CACNG4: variants seen among roughly 807,000 people sequenced by gnomAD.
CACNG4 encodes the protein calcium voltage-gated channel auxiliary subunit gamma 4, also known as voltage-dependent calcium channel gamma-4 subunit.
Under a neutral mutation model 22.9 loss-of-function variants are expected in CACNG4, and 8 were observed. The observed-to-expected ratio is 0.35, with a 90% CI of 0.21 to 0.63. The LOEUF (loss-of-function observed/expected upper bound fraction) is 0.63. Among genes scored for constraint, CACNG4 ranks in the 30% least tolerant of loss-of-function variants. The pLI, the probability that CACNG4 is intolerant of heterozygous loss-of-function variation, is 0.72. For missense variants in CACNG4, 357 were observed against 455.4 expected (o/e 0.78, Z 1.97); for synonymous variants, 188 against 191.9 (o/e 0.98, Z 0.17).
Position 66,993,567 on chromosome 17 carries a change from AC to A in CACNG4, c.221-24619del, listed in dbSNP as rs201654573. ...TGTTCTTGCACACACAAGGGGGCTC[AC>A]CCAGGGACAAAAGTGCTTAAAAAGT... On this transcript the variant is annotated intron_variant, in intron 1 of 3. Transcript: ENST00000262138. 3.9e-3 allele frequency among the ~76,000 whole-genome samples: 590 copies of A among 152,300 alleles called. 10 individuals are homozygous for A. Among genetic ancestry groups the A allele is most frequent in the Admixed American group, 0.021 (314 of 15,302 alleles).
chr17:66,999,701 G>C (rs977475572), intron 1 of CACNG4, among the ~76,000 whole-genome samples: 1 of 152,046 alleles, frequency 6.6e-6, no homozygotes, highest in African/African-American at 2.4e-5. Flanking sequence ...CAACACATGG[G>C]GATTACAGGT....
intron 1 of CACNG4, among the ~76,000 whole-genome samples, chr17:67,014,808 G>A (rs532853280): frequency 5.3e-5 from 8 of 152,112 alleles, no homozygotes; most frequent in East Asian, 1.9e-4. Context: ...GTGGTGGTGC[G>A]TGCCTGTAGT....
At chr17:66,982,814 C>T (rs1271110021) in intron 1 of CACNG4, among the ~76,000 whole-genome samples, 1 of 152,196 alleles carries the variant, frequency 6.6e-6, no homozygotes, top group African/African-American at 2.4e-5. Context: ...CTTCAGCCTC[C>T]CAAGTAGCTG....
At chr17:66,967,428 A>G (rs1025403331) in intron 1 of CACNG4, among the ~76,000 whole-genome samples, 7 of 152,170 alleles carry the variant, frequency 4.6e-5, no homozygotes, top group Admixed American at 4.6e-4. Flanking sequence ...GGGAACTGAC[A>G]GCTTTTCTCA....
chr17:66,987,897 C>G (rs1326252220), intron 1 of CACNG4, among the ~76,000 whole-genome samples: 1 of 152,004 alleles, frequency 6.6e-6, no homozygotes, highest in Non-Finnish European at 1.5e-5. Context: ...CTGTTGGTCT[C>G]TGTGTGCCGG....
intron 1 of CACNG4, among the ~76,000 whole-genome samples, chr17:66,999,658 A>T (rs1033799211): frequency 1.3e-5 from 2 of 152,134 alleles, no homozygotes; most frequent in East Asian, 1.9e-4. Flanking sequence ...CACGGGGGGA[A>T]ACTGCCCCCA....
intron 1 of CACNG4, among the ~76,000 whole-genome samples, chr17:66,975,586 T>G (rs2035231257): frequency 6.6e-6 from 1 of 152,172 alleles, no homozygotes; most frequent in Non-Finnish European, 1.5e-5. Flanking sequence ...ATTCAAAACA[T>G]ATCATCGCTT....
At chr17:67,020,433 C>T (rs146144336) in intron 2 of CACNG4, among the ~76,000 whole-genome samples, 76 of 152,324 alleles carry the variant, frequency 5.0e-4, no homozygotes, top group African/African-American at 1.6e-3. Context: ...CTTAAGCGTA[C>T]GCTGTGGGGA....
At chr17:66,974,866 C>T (rs1039495979) in intron 1 of CACNG4, among the ~76,000 whole-genome samples, 8 of 152,148 alleles carry the variant, frequency 5.3e-5, no homozygotes, top group Non-Finnish European at 1.0e-4. Flanking sequence ...CATTAGTCCA[C>T]GTGGAAGCCG....
chr17:67,006,530 G>A (rs1343306818), intron 1 of CACNG4, among the ~76,000 whole-genome samples: 3 of 152,008 alleles, frequency 2.0e-5, no homozygotes, highest in Non-Finnish European at 4.4e-5. Flanking sequence ...GTCTCGCCTG[G>A]GCCGCCATAT....
rs965111446 is a variant in CACNG4 at position 67,033,134 on chromosome 17, C to T, written c.*2130C>T. ...ACCACCTCAGACACCCGGGCCTTCT[C>T]AGCCTTCTCCCCGCGGCCAGCTGGG... is the stretch of plus-strand genomic sequence containing the variant. On this transcript the variant is annotated 3_prime_UTR_variant, in exon 4 of 4. Transcript: ENST00000262138. 6 of 152,700 alleles carry T rather than the reference C, an allele frequency of 3.9e-5. No individual in the cohort carries two copies. Among genetic ancestry groups the T allele is most frequent in the African/African-American group, 1.4e-4 (6 of 41,426 alleles). 9.5% of individuals were successfully genotyped at this position (152,700 alleles called of 1,614,324 possible). A position where few individuals can be genotyped will look rare whatever the true frequency, so the allele number is the denominator to read the frequency against.
In CACNG4 at chr17:66,965,160, C is replaced by CCACACA. The variant is rs55909537; in HGVS notation, c.220+50_220+55dup. On this transcript the variant is annotated intron_variant, in intron 1 of 3. Transcript: ENST00000262138. ...CGGCCAGCCCCGACCCCTCGCCGCC[C>CCACACA]CACACACACACACACACACACACAC... 7.8e-3 allele frequency: 6,618 copies of CCACACA among 845,966 alleles called. 229 individuals carry two copies. In the African/African-American group the frequency reaches 0.12, roughly 15 times the overall value. The allele number at this position is 845,966 out of a possible 1,614,324, so 52.4% of individuals were successfully genotyped here.
At chr17:67,007,340 C>A (rs1598116712) in intron 1 of CACNG4, among the ~76,000 whole-genome samples, 1 of 152,302 alleles carries the variant, frequency 6.6e-6, no homozygotes, top group African/African-American at 2.4e-5. Context: ...ATCTGAATGG[C>A]AAGCATTTAT....
chr17:66,968,165 G>A (rs76528709), intron 1 of CACNG4, among the ~76,000 whole-genome samples: 5,488 of 152,208 alleles, frequency 0.036, 323 homozygotes, highest in African/African-American at 0.13. Context: ...GGAGGCAGCC[G>A]GGCCAGATTG....
At chr17:66,973,810 T>C (rs1002762579) in intron 1 of CACNG4, among the ~76,000 whole-genome samples, 3 of 151,938 alleles carry the variant, frequency 2.0e-5, no homozygotes, top group Admixed American at 2.0e-4. Flanking sequence ...GGTTCTAAGC[T>C]CCAGGGAGAG....
At chr17:66,999,358 C>G (rs2035393932) in intron 1 of CACNG4, among the ~76,000 whole-genome samples, 1 of 152,176 alleles carries the variant, frequency 6.6e-6, no homozygotes, top group African/African-American at 2.4e-5. Context: ...CCCCCACAGA[C>G]TTCGGTCCTG....
At chr17:66,979,564 C>T (rs1453602929) in intron 1 of CACNG4, among the ~76,000 whole-genome samples, 1 of 152,036 alleles carries the variant, frequency 6.6e-6, no homozygotes, top group East Asian at 1.9e-4. Flanking sequence ...AAATGTTAAA[C>T]TGATGGTCAT....
At chr17:67,022,585 C>A (rs2035538362) in intron 2 of CACNG4, among the ~76,000 whole-genome samples, 1 of 152,272 alleles carries the variant, frequency 6.6e-6, no homozygotes, top group East Asian at 1.9e-4. Flanking sequence ...CAGGGACACA[C>A]ACTGATGCGT....
rs2035614591 is a variant in CACNG4 at position 67,032,537 on chromosome 17, G to A, written c.*1533G>A. 6.2e-6 allele frequency: 1 copy of A among 160,200 alleles called. No homozygotes were observed. 9.9% of individuals were successfully genotyped at this position (160,200 alleles called of 1,614,324 possible). ...GCCCATGGGTGGACTCGGCCCCCTGGGGTTCAGACCCAGGTCCGTTCGGCC... is the reference window on the plus strand; with the variant it reads ...GCCCATGGGTGGACTCGGCCCCCTGAGGTTCAGACCCAGGTCCGTTCGGCC... On this transcript the variant is annotated 3_prime_UTR_variant, in exon 4 of 4. Coordinates refer to ENST00000262138, the MANE Select transcript of CACNG4 (RefSeq NM_014405.4).
Sources: allele counts gnomAD v4.1 joint callset (sites outside exome capture counted in the v4.1 genomes callset), GRCh38; gene constraint gnomAD v4.1.1; transcripts MANE v1.5; gene names NCBI Gene and HGNC (gene_info 2026-07-23, HGNC 2026-07-21).